Variants in SLC25A16 observed in about 807,000 individuals in gnomAD.
SLC25A16 encodes solute carrier family 25 member 16, also known as mitochondrial coenzyme A transporter SLC25A16.
SLC25A16 carries 39 observed loss-of-function variants against 41.5 expected under a neutral mutation model. The observed-to-expected ratio is 0.94, with a 90% CI of 0.73 to 1.23. The LOEUF (loss-of-function observed/expected upper bound fraction) is 1.23, where lower values mean the gene tolerates loss of function less well. Among genes scored for constraint, SLC25A16 ranks in the 50% most tolerant of loss-of-function variants. SLC25A16 has a pLI of 0.00. For missense variants in SLC25A16, 421 were observed against 426.9 expected (o/e 0.99, Z 0.12); for synonymous variants, 146 against 147.8 (o/e 0.99, Z 0.09).
intron 1 of SLC25A16, among the ~76,000 whole-genome samples, chr10:68,519,248 G>A (rs549779851): frequency 5.4e-4 from 82 of 152,156 alleles, no homozygotes; most frequent in African/African-American, 1.9e-3. Context: ...CAGCACTTTG[G>A]GAGGCCGAGG....
At chr10:68,513,541 T>C (rs542685330) in intron 2 of SLC25A16, among the ~76,000 whole-genome samples, 34 of 151,974 alleles carry the variant, frequency 2.2e-4, no homozygotes, top group African/African-American at 8.0e-4. Flanking sequence ...GTTGGAAAAA[T>C]AACTCATTGT....
intron 1 of SLC25A16, among the ~76,000 whole-genome samples, chr10:68,522,639 C>T (rs971137346): frequency 6.6e-6 from 1 of 151,970 alleles, no homozygotes; most frequent in South Asian, 2.1e-4. Flanking sequence ...CACGGTGAAA[C>T]CCCGTCTCTA....
rs2052458651 is a variant in SLC25A16 at position 68,479,255 on chromosome 10, TCTGACGCCATACC to T, written c.*4164_*4176del. The T allele has an allele frequency of 6.6e-6, 1 of 152,182 alleles. No individual in the cohort carries two copies. The highest frequency in any genetic ancestry group is 1.5e-5 in the Non-Finnish European group (1 of 68,024). 9.4% of individuals were successfully genotyped at this position (152,182 alleles called of 1,614,324 possible). On this transcript the variant is annotated 3_prime_UTR_variant, in exon 9 of 9. Coordinates refer to ENST00000609923, the MANE Select transcript of SLC25A16 (RefSeq NM_152707.4). ...ACCAGTAAACATCACTGAGTACCACTCTGACGCCATACCCTGTGCTCCCTGCCCTTGAAGGAAC... is the reference window on the plus strand; with the variant it reads ...ACCAGTAAACATCACTGAGTACCACTCTGTGCTCCCTGCCCTTGAAGGAAC...
intron 2 of SLC25A16, among the ~76,000 whole-genome samples, chr10:68,514,111 T>G (rs1311352592): frequency 6.6e-6 from 1 of 152,122 alleles, no homozygotes; most frequent in African/African-American, 2.4e-5. Context: ...GAGAATGGCT[T>G]GAACCCTGGA....
chr10:68,504,673 C>T (rs1411230696), intron 3 of SLC25A16, among the ~76,000 whole-genome samples: 8 of 150,994 alleles, frequency 5.3e-5, no homozygotes, highest in African/African-American at 1.5e-4. Context: ...CCACCGCACC[C>T]GGCCTTGTTT....
intron 4 of SLC25A16, among the ~76,000 whole-genome samples, chr10:68,497,389 G>A (rs575423655): frequency 5.3e-5 from 8 of 152,236 alleles, no homozygotes; most frequent in African/African-American, 9.6e-5. Flanking sequence ...TTGGGAACAC[G>A]TTACTACTTC....
rs2052492886 is a variant in SLC25A16 at position 68,482,341 on chromosome 10, A to C, written c.*1091T>G. 1 of 152,580 alleles carries C rather than the reference A, an allele frequency of 6.6e-6. No individual in the cohort carries two copies. The highest frequency in any genetic ancestry group is 6.5e-5 in the Admixed American group (1 of 15,288). The allele number at this position is 152,580 out of a possible 1,614,324, so 9.5% of individuals were successfully genotyped here. ...TCATAAAAAGTACTCTAAACAGAATAAATGGAATTCTTACATTTTAAAACA... is the reference window on the plus strand; with the variant it reads ...TCATAAAAAGTACTCTAAACAGAATCAATGGAATTCTTACATTTTAAAACA... On this transcript the variant is annotated 3_prime_UTR_variant, in exon 9 of 9. Coordinates refer to ENST00000609923, the MANE Select transcript of SLC25A16 (RefSeq NM_152707.4).
chr10:68,495,499 T>C (rs1057394490), intron 4 of SLC25A16, among the ~76,000 whole-genome samples: 2 of 150,628 alleles, frequency 1.3e-5, no homozygotes, highest in Admixed American at 6.6e-5. Flanking sequence ...GTATATACTC[T>C]AGGGCCGGAA....
chr10:68,492,547 T>A (rs2133509826), intron 6 of SLC25A16, among the ~76,000 whole-genome samples: 1 of 152,208 alleles, frequency 6.6e-6, no homozygotes, highest in Non-Finnish European at 1.5e-5. Flanking sequence ...GGCGGGTAGA[T>A]CACCTGAGGT....
In SLC25A16 at chr10:68,506,626, A is replaced by C; in HGVS notation, c.316T>G (p.Tyr106Asp). The C allele has an allele frequency of 1.9e-6, 3 of 1,605,604 alleles. No individual in the cohort carries two copies. The highest frequency in any genetic ancestry group is 2.6e-6 in the Non-Finnish European group (3 of 1,176,332). ...NGAMMIRIFPYGAIQFMAFEH... is the reference protein window; with the variant it reads ...NGAMMIRIFPDGAIQFMAFEH... ...AATGCCATAAACTGGATTGCACCATAGGGAAAGATTCGAATCATCATTGCA... is the reference window on the plus strand; with the variant it reads ...AATGCCATAAACTGGATTGCACCATCGGGAAAGATTCGAATCATCATTGCA... Residue 106 changes from tyrosine to aspartate, a missense_variant, in exon 3 of 9, where the codon TAT (tyrosine) becomes GAT (aspartate). Physicochemically the swap from Tyr to Asp is radical, Grantham distance 160 (BLOSUM62 -3). Coordinates refer to ENST00000609923, the MANE Select transcript of SLC25A16 (RefSeq NM_152707.4).
At chr10:68,525,904 T>A (rs572132147) in intron 1 of SLC25A16, among the ~76,000 whole-genome samples, 1 of 152,178 alleles carries the variant, frequency 6.6e-6, no homozygotes, top group East Asian at 1.9e-4. Flanking sequence ...GAAGGCAGCA[T>A]GCTCCTTAAG....
At chr10:68,505,711 G>A (rs1435371922) in intron 3 of SLC25A16, among the ~76,000 whole-genome samples, 2 of 152,056 alleles carry the variant, frequency 1.3e-5, no homozygotes, top group South Asian at 4.1e-4. Flanking sequence ...TCCAGCCTAG[G>A]GAACAAAAGT....
At chr10:68,509,852 G>T (rs887789930) in intron 2 of SLC25A16, among the ~76,000 whole-genome samples, 1 of 151,472 alleles carries the variant, frequency 6.6e-6, no homozygotes, top group Admixed American at 6.6e-5. Context: ...CAGCACTTTG[G>T]GAGGCCAAGG....
At chr10:68,503,408 T>C (rs2052891980) in intron 4 of SLC25A16, 1 of 402,916 alleles carries the variant, frequency 2.5e-6, no homozygotes, top group African/African-American at 2.1e-5. Context: ...ATTTCATATA[T>C]ATAACTGAAT....
At chr10:68,507,886 TCCAAAAGATATATC>T (rs2052984675) in intron 2 of SLC25A16, among the ~76,000 whole-genome samples, 1 of 152,152 alleles carries the variant, frequency 6.6e-6, no homozygotes, top group South Asian at 2.1e-4. Flanking sequence ...CTTATTAACA[TCCAAAAGATATATC>T]CCAAAAGCAG....
chr10:68,496,634 A>G (rs1457701312), intron 4 of SLC25A16: 54 of 982,368 alleles, frequency 5.5e-5, no homozygotes, highest in Non-Finnish European at 6.4e-5. Flanking sequence ...AAATCTAAAC[A>G]AAGTCAGACT....
At chr10:68,521,616 C>T (rs1590129827) in intron 1 of SLC25A16, among the ~76,000 whole-genome samples, 1 of 120,190 alleles carries the variant, frequency 8.3e-6, no homozygotes, top group South Asian at 2.8e-4. Context: ...TTTTTTGAGA[C>T]GGAGTCTCGC....
At chr10:68,516,655 T>TA in intron 2 of SLC25A16, 96 bp downstream of exon 2, 1 of 777,900 alleles carries the variant, frequency 1.3e-6, no homozygotes, top group Non-Finnish European at 2.0e-6. Flanking sequence ...GAGGAACCTC[T>TA]ACTTTACTTT....
intron 2 of SLC25A16, among the ~76,000 whole-genome samples, chr10:68,516,113 T>A (rs1489241538): frequency 1.3e-5 from 2 of 152,108 alleles, no homozygotes; most frequent in Non-Finnish European, 2.9e-5. Flanking sequence ...CGTAAAGAAA[T>A]AGTACTTGAA....
Sources: gnomAD v4.1 joint callset for allele counts (sites outside exome capture counted in the v4.1 genomes callset) on GRCh38, gnomAD v4.1.1 for gene constraint, MANE v1.5 for transcripts, NCBI Gene and HGNC (gene_info 2026-07-23, HGNC 2026-07-21) for gene names.